The following SPTBN4 variants were observed in gnomAD, a reference collection of about 807,000 sequenced individuals.
SPTBN4 encodes spectrin beta chain, non-erythrocytic 4.
A neutral mutation model predicts 277.8 loss-of-function variants in SPTBN4; 96 were observed. The observed-to-expected ratio is 0.35, with a 90% CI of 0.29 to 0.41. The LOEUF (loss-of-function observed/expected upper bound fraction) is 0.41, where lower values mean the gene tolerates loss of function less well. SPTBN4 is among the 10% of genes least tolerant of loss of function. The pLI, the probability that SPTBN4 is intolerant of heterozygous loss-of-function variation, is 1.00. For missense variants in SPTBN4, 3,006 were observed against 3,595.7 expected (o/e 0.84, Z 4.19); for synonymous variants, 1,481 against 1,580.3 (o/e 0.94, Z 1.49).
chr19:40,522,834 A>G (rs1391607517), intron 16 of SPTBN4, among the ~76,000 whole-genome samples: 1 of 151,904 alleles, frequency 6.6e-6, no homozygotes, highest in East Asian at 1.9e-4. Context: ...GCTATGAGAA[A>G]TAATACAGGA....
At position 40,488,709 on chromosome 19, in the gene SPTBN4, T is replaced by C. The variant is rs562211442; in HGVS notation, c.321+861T>C. ...CCTGTAGTCCCAAGTACCCAGGAGG[T>C]TGAGGAGAGAGGATCGCTTGAGCCT... On this transcript the variant is annotated intron_variant, in intron 3 of 35. Coordinates refer to ENST00000598249, the MANE Select transcript of SPTBN4 (RefSeq NM_020971.3). 7.9e-5 allele frequency among the ~76,000 whole-genome samples: 12 copies of C among 152,150 alleles called. 1 individual carries two copies. The South Asian group carries it at 1.7e-3, about 21-fold the overall frequency.
At position 40,506,415 on chromosome 19, in the gene SPTBN4, T is replaced by C. The variant is rs771153874; in HGVS notation, c.1816+29T>C. 3.1e-6 allele frequency: 5 copies of C among 1,597,554 alleles called. No homozygotes were observed. In the South Asian group the frequency reaches 4.5e-5, roughly 14 times the overall value. ...AGTCTTGGGGCTGGGGCTGGGGCTA[T>C]GGGTGGAGACTGTCAGGACTGGTGC... is the stretch of plus-strand genomic sequence containing the variant. On this transcript the variant is annotated intron_variant, in intron 13 of 35. Coordinates refer to ENST00000598249, the MANE Select transcript of SPTBN4 (RefSeq NM_020971.3).
chr19:40,566,469 G>A (rs943374123), intron 30 of SPTBN4, 110 bp downstream of exon 30: 3 of 1,061,200 alleles, frequency 2.8e-6, no homozygotes, highest in East Asian at 5.8e-5. Flanking sequence ...CCTGTGTTGT[G>A]TGAGTGCCAA....
At position 40,472,709 on chromosome 19, in the gene SPTBN4, C is replaced by T. The variant is rs770792509; in HGVS notation, c.88C>T (p.Arg30Trp). 3.2e-5 allele frequency: 51 copies of T among 1,612,254 alleles called. No homozygotes were observed. In the East Asian group the frequency reaches 3.6e-4, roughly 11 times the overall value. ...NPAARWESPD[R>W]GWEREQPAAS... is the part of the protein sequence containing the mutation. The stretch of plus-strand genomic sequence containing the variant: ...TGCTGCCCGCTGGGAGAGTCCGGAT[C>T]GGGGCTGGGAGCGGGAGCAGCCGGC... Residue 30 changes from arginine to tryptophan, a missense_variant, in exon 2 of 36, where the codon CGG becomes TGG. Transcript: ENST00000598249.
At position 40,531,872 on chromosome 19, in the gene SPTBN4, C is replaced by A. The variant is rs1014603904; in HGVS notation, c.3949-753C>A. Among the ~76,000 whole-genome samples the A allele has an allele frequency of 2.2e-4, 34 of 151,896 alleles. 1 individual carries two copies. Among genetic ancestry groups the A allele is most frequent in the Admixed American group, 1.7e-3 (26 of 15,250 alleles). ...ACTGGTTTGGAGAGCCAGAACACAGCTTTGTTTTTCACATTTGGCTGGGGT... is the reference window on the plus strand; with the variant it reads ...ACTGGTTTGGAGAGCCAGAACACAGATTTGTTTTTCACATTTGGCTGGGGT... On this transcript the variant is annotated intron_variant, in intron 18 of 35. Coordinates refer to ENST00000598249, the MANE Select transcript of SPTBN4 (RefSeq NM_020971.3).
Position 40,519,584 on chromosome 19 carries a change from C to T in SPTBN4, c.3087C>T (p.Ala1029=), listed in dbSNP as rs1187124568. 5 of 1,492,148 alleles carry T rather than the reference C, an allele frequency of 3.4e-6. No homozygotes were observed. In the African/African-American group the frequency reaches 5.9e-5, roughly 18 times the overall value. 92.4% of individuals were successfully genotyped at this position (1,492,148 alleles called of 1,614,324 possible). The part of the protein sequence containing the change: ...ALQWRLSGLE[A]ALQALEPRQA... ...AGTGGCGTCTTAGCGGCCTAGAGGC[C>T]GCTCTGCAGGCGCTGGAGCCGCGCC... Residue 1029 remains alanine (A), a synonymous_variant, in exon 16 of 36, where the codon GCC becomes GCT. Transcript: ENST00000598249. This position sits in a 1 kb window ranked among gnomAD's most constrained non-coding sequence, Gnocchi z 5.7.
At chr19:40,539,276 C>T (rs2080772229) in intron 20 of SPTBN4, among the ~76,000 whole-genome samples, 1 of 152,238 alleles carries the variant, frequency 6.6e-6, no homozygotes. Flanking sequence ...CTTCGTCTCT[C>T]CCTCTGAGCC....
rs567286710 is a variant in SPTBN4 at position 40,467,596 on chromosome 19, C to T, written c.-16+291C>T. On this transcript the variant is annotated intron_variant, in intron 1 of 35. Coordinates refer to ENST00000598249, the MANE Select transcript of SPTBN4 (RefSeq NM_020971.3). ...GAAGGGTTAAAGCCTCTGATGCCAC[C>T]GCAGCCCAGCGCCCCACCAGCCTTT... 4.0e-5 allele frequency among the ~76,000 whole-genome samples: 6 copies of T among 150,766 alleles called. No homozygotes were observed. The South Asian group carries it at 1.0e-3, about 26-fold the overall frequency.
intron 34 of SPTBN4, 56 bp from the exon 35 acceptor site, chr19:40,572,282 G>A: frequency 6.2e-7 from 1 of 1,608,822 alleles, no homozygotes. Flanking sequence ...CACTTGGTGG[G>A]CAGGTGGGCT....
At chr19:40,523,056 C>T (rs1296157619) in intron 16 of SPTBN4, among the ~76,000 whole-genome samples, 2 of 152,132 alleles carry the variant, frequency 1.3e-5, no homozygotes, top group Admixed American at 6.5e-5. Context: ...ATCACTTGAA[C>T]CCAGGAGGTG....
chr19:40,556,259 G>A lies in SPTBN4; in HGVS notation c.5260G>A (p.Glu1754Lys). 9 of 1,613,354 alleles carry A rather than the reference G, an allele frequency of 5.6e-6. No individual in the cohort carries two copies. The highest frequency in any genetic ancestry group is 7.6e-6 in the Non-Finnish European group (9 of 1,179,782). Residue 1754 changes from glutamate (E) to lysine (K), a missense_variant, in exon 25 of 36, where the codon GAG (glutamate) becomes AAG (lysine). Physicochemically the swap from Glu to Lys is moderately conservative, Grantham distance 56. Around this residue, in one of 5 missense-constraint regions of SPTBN4, gnomAD observed 425 missense variants for 594.7 expected, o/e 0.71. Coordinates refer to ENST00000598249, the MANE Select transcript of SPTBN4 (RefSeq NM_020971.3). ...AEKEVVAGSP[E>K]LGQDFEHVSV... is the part of the protein sequence containing the mutation. ...GAAGGAGGTGGTGGCTGGCTCACCC[G>A]AGCTCGGCCAGGACTTTGAGCATGT...
chr19:40,564,172 T>C (rs1290906717), intron 27 of SPTBN4, among the ~76,000 whole-genome samples: 1 of 149,912 alleles, frequency 6.7e-6, no homozygotes, highest in African/African-American at 2.5e-5. Flanking sequence ...CTGACAAACA[T>C]GTTGAAACCC....
intron 20 of SPTBN4, among the ~76,000 whole-genome samples, chr19:40,538,616 C>T (rs1711987524): frequency 6.6e-6 from 1 of 152,146 alleles, no homozygotes; most frequent in African/African-American, 2.4e-5. Flanking sequence ...GAGGCAGTTT[C>T]TACCTCTGTC....
In SPTBN4 at chr19:40,554,644, C is replaced by T; in HGVS notation, c.5082C>T (p.Asp1694=). The T allele has an allele frequency of 6.3e-7, 1 of 1,589,144 alleles. No homozygotes were observed. The highest frequency in any genetic ancestry group is 8.6e-7 in the Non-Finnish European group (1 of 1,167,496). The part of the protein sequence containing the change: ...CRALLEMGHP[D]SEQISRRQSQ... ...CGCTGCTGGAGATGGGGCACCCGGA[C>T]AGGTGGGCGGGCGCGTGGCCAGTTC... is the stretch of plus-strand genomic sequence containing the variant. The change falls in exon 24 of 36, where the codon GAC becomes GAT. Residue 1694 remains aspartate (D), a splice_region_variant and synonymous_variant. Transcript: ENST00000598249. The surrounding 1 kb of genome is among the most constrained non-coding windows in gnomAD (Gnocchi z 5.7).
At position 40,515,236 on chromosome 19, in the gene SPTBN4, A is replaced by G; in HGVS notation, c.2766-75A>G. The G allele has an allele frequency of 6.5e-7, 1 of 1,528,016 alleles. No homozygotes were observed. Among genetic ancestry groups the G allele is most frequent in the Non-Finnish European group, 8.8e-7 (1 of 1,138,718 alleles). The allele number at this position is 1,528,016 out of a possible 1,614,324, so 94.7% of individuals were successfully genotyped here. On this transcript the variant is annotated intron_variant, in intron 14 of 35. Coordinates refer to ENST00000598249, the MANE Select transcript of SPTBN4 (RefSeq NM_020971.3). This position sits in a 1 kb window ranked among gnomAD's most constrained non-coding sequence, Gnocchi z 4.1. ...GAAGGGTGGATTGAGAATTAGGAGT[A>G]GAACCAGTAGAAGGTATTTCATAAA... is the stretch of plus-strand genomic sequence containing the variant.
intron 22 of SPTBN4, among the ~76,000 whole-genome samples, chr19:40,551,628 C>T (rs935217676): frequency 5.2e-4 from 79 of 152,252 alleles, no homozygotes; most frequent in Non-Finnish European, 2.1e-4. Context: ...AAACTGCATA[C>T]GAAGGGAACC....
intron 22 of SPTBN4, among the ~76,000 whole-genome samples, chr19:40,551,525 C>T (rs781338957): frequency 6.6e-6 from 1 of 152,064 alleles, no homozygotes; most frequent in Non-Finnish European, 1.5e-5. Flanking sequence ...GGGGAGGGGG[C>T]CTTTGAGCTC....
At chr19:40,570,780 A>T in intron 33 of SPTBN4, 52 bp downstream of exon 33, 1 of 1,561,206 alleles carries the variant, frequency 6.4e-7, no homozygotes, top group Non-Finnish European at 8.7e-7. Context: ...CAGGGTGACC[A>T]TTGCGTGGAG....
intron 15 of SPTBN4, among the ~76,000 whole-genome samples, chr19:40,516,550 G>C (rs1054844826): frequency 9.2e-5 from 14 of 152,074 alleles, no homozygotes; most frequent in Non-Finnish European, 1.8e-4. Flanking sequence ...TCGGCTGGGC[G>C]TGGTAGCTCA....
Sources: gnomAD v4.1 joint callset for allele counts (sites outside exome capture counted in the v4.1 genomes callset) on GRCh38, gnomAD v4.1.1 for gene constraint, gnomAD v4.1.1 regional missense constraint, Gnocchi (gnomAD v3.1) non-coding constraint, MANE v1.5 for transcripts, NCBI Gene and HGNC (gene_info 2026-07-23, HGNC 2026-07-21) for gene names.